MICAL2: variants seen among roughly 807,000 people sequenced by gnomAD.
The protein encoded by MICAL2 is microtubule associated monooxygenase, calponin and LIM domain containing 2.
Under a neutral mutation model 127.3 loss-of-function variants are expected in MICAL2, and 77 were observed. That is an observed-to-expected ratio of 0.60 (90% CI 0.50 to 0.73). MICAL2 has a LOEUF of 0.73. Among genes scored for constraint, MICAL2 ranks in the 30% least tolerant of loss-of-function variants. The pLI, the probability that MICAL2 is intolerant of heterozygous loss-of-function variation, is 0.00. For synonymous variants in MICAL2, 570 were observed against 551.1 expected (o/e 1.03, Z -0.48); for missense variants, 1,351 against 1,434.4 (o/e 0.94, Z 0.94).
intron 3 of MICAL2, among the ~76,000 whole-genome samples, chr11:12,175,695 G>A (rs74992828): frequency 1.3e-5 from 2 of 152,020 alleles, no homozygotes; most frequent in Admixed American, 6.6e-5. Flanking sequence ...TCCTGGGAAG[G>A]CTTCTAGAAG....
chr11:12,289,716 G>T (rs545546957), downstream of MICAL2, among the ~76,000 whole-genome samples: 1,041 of 152,016 alleles, frequency 6.8e-3, 7 homozygotes, highest in Non-Finnish European at 0.013. Flanking sequence ...CCACAGGCGC[G>T]CACCACCATG....
chr11:12,312,363 C>A (rs1269927301), intron 29 of MICAL2, among the ~76,000 whole-genome samples: 1 of 148,478 alleles, frequency 6.7e-6, no homozygotes, highest in Non-Finnish European at 1.5e-5. Flanking sequence ...GCATGATGTG[C>A]GTTTTATGTA....
chr11:12,314,645 A>ATTTTTTTTTTTTTTT (rs545442574), intron 29 of MICAL2, among the ~76,000 whole-genome samples: 8 of 123,040 alleles, frequency 6.5e-5, no homozygotes, highest in Non-Finnish European at 8.2e-5. Context: ...TGCCCAGCTA[A>ATTTTTTTTTTTTTTT]TTTTTTTTTT....
intron 15 of MICAL2, among the ~76,000 whole-genome samples, chr11:12,234,406 A>G (rs1314712332): frequency 6.6e-6 from 1 of 152,122 alleles, no homozygotes; most frequent in African/African-American, 2.4e-5. Flanking sequence ...TGGCAAGAGT[A>G]GCATTCCCAG....
Position 12,213,358 on chromosome 11 carries a change from T to G in MICAL2, c.795T>G (p.Gly265=). The change falls in exon 7 of 28, where the codon GGT becomes GGG. Residue 265 remains glycine, a synonymous_variant. Coordinates refer to ENST00000683283, the MANE Select transcript of MICAL2 (RefSeq NM_001282663.2). ...AAGCCAAGGTGGAAGAGATTAGTGG[T>G]GTGGCTTTCATCTTCAATCAGAAAT... ...TAEAKVEEIS[G]VAFIFNQKFF... is the part of the protein sequence containing the mutation. 1 of 1,613,822 alleles carries G rather than the reference T, an allele frequency of 6.2e-7. No homozygotes were observed. The highest frequency in any genetic ancestry group is 8.5e-7 in the Non-Finnish European group (1 of 1,179,810).
At chr11:12,287,099 G>A (rs754260294) in exon 3 of MICAL2, 17 of 398,744 alleles carry the variant, frequency 4.3e-5, no homozygotes, top group South Asian at 1.3e-4. Context: ...GCTCTGCAAC[G>A]GGCCAATAGC....
At chr11:12,183,771 T>C (rs1307474306) in intron 3 of MICAL2, among the ~76,000 whole-genome samples, 32 of 152,188 alleles carry the variant, frequency 2.1e-4, no homozygotes, top group Admixed American at 2.1e-3. Context: ...ATCCCACTTA[T>C]GGCTGTGAGA....
chr11:12,163,339 C>T (rs1381630515), intron 3 of MICAL2, among the ~76,000 whole-genome samples: 2 of 152,196 alleles, frequency 1.3e-5, no homozygotes, highest in Non-Finnish European at 2.9e-5. Context: ...ATCGAATGTG[C>T]TGTATTTAGA....
intron 30 of MICAL2, among the ~76,000 whole-genome samples, chr11:12,322,526 A>C (rs1216237619): frequency 2.0e-5 from 3 of 152,244 alleles, no homozygotes; most frequent in Non-Finnish European, 1.5e-5. Flanking sequence ...CCAGAAAAAT[A>C]GCCTGTAGGC....
intron 3 of MICAL2, among the ~76,000 whole-genome samples, chr11:12,169,531 G>A (rs900132701): frequency 4.6e-5 from 7 of 152,094 alleles, no homozygotes; most frequent in South Asian, 2.1e-4. Flanking sequence ...GACTACAGGC[G>A]TGAGCAACCA....
At chr11:12,136,135 T>G (rs1851815426) in intron 1 of MICAL2, among the ~76,000 whole-genome samples, 1 of 152,092 alleles carries the variant, frequency 6.6e-6, no homozygotes, top group South Asian at 2.1e-4. Flanking sequence ...CTTCCCTGTA[T>G]CACCCAAATC....
intron 29 of MICAL2, among the ~76,000 whole-genome samples, chr11:12,306,710 C>CA (rs1247861115): frequency 1.3e-5 from 2 of 152,170 alleles, no homozygotes; most frequent in Admixed American, 6.5e-5. Context: ...TGGAATCATA[C>CA]AGCATGTTGT....
chr11:12,150,546 C>T (rs551178673), intron 2 of MICAL2, among the ~76,000 whole-genome samples: 1 of 152,308 alleles, frequency 6.6e-6, no homozygotes, highest in South Asian at 2.1e-4. Context: ...CTGCAGTCGT[C>T]CTGGGCTCCA....
Position 12,218,829 on chromosome 11 carries a change from G to A in MICAL2, c.949-1372G>A, listed in dbSNP as rs529423518. ...CAGTGGTCACTCTGGCTGTAAATGC[G>A]GCACTCTGTGATTGTCAAGACCTTT... On this transcript the variant is annotated intron_variant, in intron 8 of 27. Coordinates refer to ENST00000683283, the MANE Select transcript of MICAL2 (RefSeq NM_001282663.2). 8.5e-5 allele frequency among the ~76,000 whole-genome samples: 13 copies of A among 152,262 alleles called. No homozygotes were observed. In the South Asian group the frequency reaches 2.5e-3, roughly 29 times the overall value.
Position 12,285,855 on chromosome 11 carries a change from C to T in MICAL2, c.255-1232C>T, listed in dbSNP as rs1040876698. ...ATTTAGGGTCCTGGATTCAGACCCT[C>T]CCTGCGTCCATCTCCCACACCCACA... On this transcript the variant is annotated intron_variant, in intron 2 of 2. Transcript: ENST00000529028. Among the ~76,000 whole-genome samples the T allele has an allele frequency of 4.6e-5, 7 of 152,298 alleles. No individual in the cohort carries two copies. The South Asian group carries it at 8.3e-4, about 18-fold the overall frequency.
At chr11:12,269,477 G>A (rs566189944) in intron 24 of MICAL2, among the ~76,000 whole-genome samples, 129 of 152,350 alleles carry the variant, frequency 8.5e-4, no homozygotes, top group African/African-American at 3.1e-3. Flanking sequence ...GGAGCCTGCA[G>A]AGCTGTTGGG....
chr11:12,161,004 G>C lies in MICAL2; in HGVS notation c.-77-1075G>C, dbSNP rs191212067. Among the ~76,000 whole-genome samples, 531 of 152,334 alleles carry C rather than the reference G, an allele frequency of 3.5e-3. 2 individuals are homozygous for C. The highest frequency in any genetic ancestry group is 6.3e-3 in the Admixed American group (96 of 15,304). On this transcript the variant is annotated intron_variant, in intron 2 of 27. Transcript: ENST00000683283. The stretch of plus-strand genomic sequence containing the variant: ...AGAGCTGCCGTGAGGCCTGCGCTCT[G>C]TGTGCTGCTGACCTCCTCTTACCAG...
intron 2 of MICAL2, among the ~76,000 whole-genome samples, chr11:12,146,849 G>A (rs61875195): frequency 2.6e-5 from 4 of 152,150 alleles, no homozygotes; most frequent in African/African-American, 7.2e-5. Flanking sequence ...AAGAAAATGT[G>A]GCAATATACA....
At chr11:12,301,618 A>T (rs182766856) in intron 29 of MICAL2, among the ~76,000 whole-genome samples, 244 of 152,334 alleles carry the variant, frequency 1.6e-3, no homozygotes, top group African/African-American at 5.6e-3. Flanking sequence ...ACTGAGCTCA[A>T]CTTCAATTTC....
Sources: allele counts gnomAD v4.1 joint callset (sites outside exome capture counted in the v4.1 genomes callset), GRCh38; gene constraint gnomAD v4.1.1; transcripts MANE v1.5; gene names NCBI Gene and HGNC (gene_info 2026-07-23, HGNC 2026-07-21).